HORMAD2: variants seen among roughly 807,000 people sequenced by gnomAD.
The protein encoded by HORMAD2 is HORMA domain-containing protein 2.
Under a neutral mutation model 38.8 loss-of-function variants are expected in HORMAD2, and 45 were observed. The ratio of observed to expected loss-of-function variants is 1.16; its 90% CI spans 0.91 to 1.49. The LOEUF (loss-of-function observed/expected upper bound fraction) is 1.49, where lower values mean the gene tolerates loss of function less well. Ranked by LOEUF, HORMAD2 falls within the 40% of genes most tolerant of loss-of-function variation. HORMAD2 has a pLI of 0.00. For synonymous variants in HORMAD2, 126 were observed against 122.8 expected (o/e 1.03, Z -0.17); for missense variants, 338 against 367.0 (o/e 0.92, Z 0.65).
At chr22:30,179,545 T>A (rs943435253), downstream of HORMAD2, among the ~76,000 whole-genome samples, 1 of 152,174 alleles carries the variant, frequency 6.6e-6, no homozygotes, top group African/African-American at 2.4e-5. Flanking sequence ...AAATTCCTAT[T>A]TAGAAATGGC....
intron 10 of HORMAD2, among the ~76,000 whole-genome samples, chr22:30,144,022 C>T (rs1195017229): frequency 6.6e-6 from 1 of 152,182 alleles, no homozygotes; most frequent in Non-Finnish European, 1.5e-5. Context: ...GCCTACAGAA[C>T]CATGAGCCAA....
At chr22:30,085,187 A>T (rs558579974) in intron 1 of HORMAD2, among the ~76,000 whole-genome samples, 9 of 152,102 alleles carry the variant, frequency 5.9e-5, no homozygotes, top group African/African-American at 2.2e-4. Context: ...AAAAGATCAC[A>T]TATTGTATGG....
At chr22:30,091,947 G>A (rs948161974) in intron 1 of HORMAD2, among the ~76,000 whole-genome samples, 20 of 151,952 alleles carry the variant, frequency 1.3e-4, no homozygotes, top group Non-Finnish European at 1.8e-4. Context: ...CAAGATCTTG[G>A]CTAACTGCAA....
chr22:30,088,768 T>G (rs2068630526), intron 1 of HORMAD2, among the ~76,000 whole-genome samples: 2 of 151,854 alleles, frequency 1.3e-5, no homozygotes, highest in South Asian at 4.1e-4. Flanking sequence ...TATAGAAAAC[T>G]ATTCTAGAAA....
chr22:30,174,245 A>G (rs1926293942), intron 10 of HORMAD2, among the ~76,000 whole-genome samples: 1 of 152,204 alleles, frequency 6.6e-6, no homozygotes, highest in African/African-American at 2.4e-5. Context: ...CAGATCAACC[A>G]GATAATCTTT....
downstream of HORMAD2, among the ~76,000 whole-genome samples, chr22:30,178,546 G>A (rs1343889190): frequency 1.1e-4 from 17 of 152,220 alleles, no homozygotes; most frequent in Non-Finnish European, 2.5e-4. Flanking sequence ...AGTGTATTCA[G>A]TTCTATCTAC....
At chr22:30,107,663 T>C (rs1445781223) in intron 5 of HORMAD2, among the ~76,000 whole-genome samples, 2 of 151,822 alleles carry the variant, frequency 1.3e-5, no homozygotes, top group Non-Finnish European at 1.5e-5. Context: ...GGCAGGAGAA[T>C]TGCTTGAGCC....
the HORMAD2 span, among the ~76,000 whole-genome samples, chr22:30,204,451 G>A: frequency 6.6e-6 from 1 of 152,198 alleles, no homozygotes; most frequent in South Asian, 2.1e-4. Context: ...TAGGTGATCA[G>A]GAAAGAGCTC....
intron 10 of HORMAD2, among the ~76,000 whole-genome samples, chr22:30,144,012 GC>G (rs1315108449): frequency 1.3e-5 from 2 of 152,120 alleles, no homozygotes; most frequent in East Asian, 3.8e-4. Context: ...TTTCTGTACA[GC>G]CTACAGAACC....
At chr22:30,146,181 C>T (rs1267777930) in intron 10 of HORMAD2, among the ~76,000 whole-genome samples, 2 of 152,144 alleles carry the variant, frequency 1.3e-5, no homozygotes, top group Non-Finnish European at 2.9e-5. Flanking sequence ...AATTCAACAT[C>T]CATTTGTGAC....
chr22:30,163,954 C>G (rs1214148456), intron 10 of HORMAD2, among the ~76,000 whole-genome samples: 2 of 152,150 alleles, frequency 1.3e-5, no homozygotes, highest in Non-Finnish European at 2.9e-5. Flanking sequence ...AATTCCTCAT[C>G]TCCCTCTCCC....
At chr22:30,098,545 G>A (rs1291308561) in intron 2 of HORMAD2, among the ~76,000 whole-genome samples, 2 of 152,110 alleles carry the variant, frequency 1.3e-5, no homozygotes, top group African/African-American at 4.8e-5. Context: ...GATTGCAGCG[G>A]GGTCTGAGGA....
At chr22:30,161,181 C>T (rs1405572609) in intron 10 of HORMAD2, among the ~76,000 whole-genome samples, 1 of 152,192 alleles carries the variant, frequency 6.6e-6, no homozygotes, top group Non-Finnish European at 1.5e-5. Context: ...AGATATTGCA[C>T]CAATAGAGAT....
chr22:30,088,047 G>A (rs1022239909), intron 1 of HORMAD2, among the ~76,000 whole-genome samples: 6 of 147,812 alleles, frequency 4.1e-5, no homozygotes, highest in Admixed American at 2.0e-4. Context: ...GTATACACAC[G>A]TACACACGTA....
At chr22:30,182,188 T>A in the HORMAD2 span, among the ~76,000 whole-genome samples, 1 of 152,220 alleles carries the variant, frequency 6.6e-6, no homozygotes, top group African/African-American at 2.4e-5. Flanking sequence ...GCTATCTCTG[T>A]ACATCAGCTT....
chr22:30,189,132 C>T, the HORMAD2 span, among the ~76,000 whole-genome samples: 1 of 151,600 alleles, frequency 6.6e-6, no homozygotes, highest in South Asian at 2.1e-4. Flanking sequence ...TTTTCATTAA[C>T]CCGAAAACTA....
chr22:30,203,877 C>A, the HORMAD2 span, among the ~76,000 whole-genome samples: 1 of 152,174 alleles, frequency 6.6e-6, no homozygotes, highest in Non-Finnish European at 1.5e-5. Context: ...CATGTCCATG[C>A]GTATAGGTTA....
At chr22:30,099,071 A>C in intron 3 of HORMAD2, 78 bp downstream of exon 3, 38 of 1,291,292 alleles carry the variant, frequency 2.9e-5, no homozygotes, top group South Asian at 5.1e-5. Flanking sequence ...TTCACGTCTC[A>C]CAAAGTGTGC....
the HORMAD2 span, among the ~76,000 whole-genome samples, chr22:30,200,869 C>G: frequency 6.6e-6 from 1 of 151,962 alleles, no homozygotes; most frequent in Admixed American, 6.6e-5. Flanking sequence ...CCTGCTTCAG[C>G]CTCTCAGGTA....
Sources: gnomAD v4.1 joint callset for allele counts (sites outside exome capture counted in the v4.1 genomes callset) on GRCh38, gnomAD v4.1.1 for gene constraint, MANE v1.5 for transcripts, NCBI Gene and HGNC (gene_info 2026-07-23, HGNC 2026-07-21) for gene names.